The following CSMD1 variants were observed in gnomAD, a reference collection of about 807,000 sequenced individuals.
CSMD1 encodes CUB and sushi domain-containing protein 1.
Under a neutral mutation model 417.5 loss-of-function variants are expected in CSMD1, and 213 were observed. The ratio of observed to expected loss-of-function variants is 0.51; its 90% CI spans 0.46 to 0.57. The LOEUF (loss-of-function observed/expected upper bound fraction) is 0.57. CSMD1 is among the 20% of genes least tolerant of loss of function. The pLI is 0.00. For synonymous variants in CSMD1, 2,862 were observed against 1,736.8 expected, an observed-to-expected ratio of 1.65 and a Z score of -16.11; for missense variants, 6,923 against 4,529.7, an observed-to-expected ratio of 1.53 and a Z score of -15.17.
intron 12 of CSMD1, among the ~76,000 whole-genome samples, chr8:3,411,240 A>G (rs1199623726): frequency 6.6e-6 from 1 of 152,232 alleles, no homozygotes; most frequent in East Asian, 1.9e-4. Context: ...TCTGGACACC[A>G]GTCCCAAAAG....
chr8:4,508,418 C>G (rs1400398353), intron 2 of CSMD1, among the ~76,000 whole-genome samples: 2 of 152,086 alleles, frequency 1.3e-5, no homozygotes, highest in Non-Finnish European at 2.9e-5. Flanking sequence ...CTTTGCCATG[C>G]TTCAAAGTCA....
At chr8:4,513,088 T>A (rs1442205311) in intron 2 of CSMD1, among the ~76,000 whole-genome samples, 1 of 152,172 alleles carries the variant, frequency 6.6e-6, no homozygotes, top group African/African-American at 2.4e-5. Flanking sequence ...GTTATTGAAC[T>A]TTTGTCCAAA....
intron 1 of CSMD1, among the ~76,000 whole-genome samples, chr8:4,653,607 T>C (rs1804045325): frequency 6.6e-6 from 1 of 152,112 alleles, no homozygotes; most frequent in African/African-American, 2.4e-5. Flanking sequence ...TAGTCCCAGA[T>C]AACCACCAGT....
chr8:3,808,043 T>C (rs183322590), intron 5 of CSMD1, among the ~76,000 whole-genome samples: 2 of 152,326 alleles, frequency 1.3e-5, no homozygotes, highest in African/African-American at 4.8e-5. Context: ...AAATTGCCTT[T>C]TCTACAGAAG....
rs370768659 is a variant in CSMD1 at position 3,515,574 on chromosome 8, G to C, written c.1345-21848C>G. On this transcript the variant is annotated intron_variant, in intron 10 of 69. Transcript: ENST00000635120. ...GACATGCTCTCCCATTGCCGTTTTC[G>C]GAAGTTTAGAATGTTTCCAACAGAA... Among the ~76,000 whole-genome samples the C allele has an allele frequency of 7.3e-4, 111 of 152,296 alleles. 3 individuals carry two copies. The South Asian group carries it at 0.022, about 31-fold the overall frequency.
chr8:3,190,958 G>C (rs998379418), intron 33 of CSMD1, among the ~76,000 whole-genome samples: 5 of 152,176 alleles, frequency 3.3e-5, no homozygotes, highest in South Asian at 2.1e-4. Context: ...GTAGTTACTG[G>C]GGGCTGGGGA....
chr8:2,973,816 GTGGTAGAGGATGA>G (rs1317048352), intron 56 of CSMD1, among the ~76,000 whole-genome samples: 134 of 151,354 alleles, frequency 8.9e-4, no homozygotes, highest in Admixed American at 1.4e-3. Flanking sequence ...GCGGTTAATG[GTGGTAGAGGATGA>G]TGGTAGAGGA....
intron 12 of CSMD1, among the ~76,000 whole-genome samples, chr8:3,411,112 C>T (rs79196501): frequency 0.064 from 9,721 of 152,180 alleles, 362 homozygotes; most frequent in East Asian, 0.16. Flanking sequence ...GAAGAAGGCA[C>T]TGCAGAGCTT....
chr8:4,083,201 C>G (rs1416558941), intron 3 of CSMD1, among the ~76,000 whole-genome samples: 1 of 152,116 alleles, frequency 6.6e-6, no homozygotes, highest in Non-Finnish European at 1.5e-5. Context: ...CTGACTTCCA[C>G]AATGGTTGAA....
intron 3 of CSMD1, among the ~76,000 whole-genome samples, chr8:4,230,345 C>G (rs187033408): frequency 6.6e-6 from 1 of 152,272 alleles, no homozygotes; most frequent in Non-Finnish European, 1.5e-5. Flanking sequence ...TAAAGCAAAT[C>G]AAGCCGAGTA....
At chr8:3,805,583 CT>C (rs1167801250) in intron 5 of CSMD1, among the ~76,000 whole-genome samples, 1 of 152,142 alleles carries the variant, frequency 6.6e-6, no homozygotes, top group African/African-American at 2.4e-5. Context: ...TGAAACCTTT[CT>C]GAATCAGTTT....
At chr8:3,084,099 C>G (rs1188720170) in intron 49 of CSMD1, among the ~76,000 whole-genome samples, 1 of 152,142 alleles carries the variant, frequency 6.6e-6, no homozygotes, top group Non-Finnish European at 1.5e-5. Flanking sequence ...GAGAAGGTTT[C>G]TAGCATAATC....
rs1219237261 is a variant in CSMD1 at position 4,735,221 on chromosome 8, T to G, written c.86-97663A>C. Among the ~76,000 whole-genome samples, 26 of 152,158 alleles carry G rather than the reference T, an allele frequency of 1.7e-4. 1 individual carries two copies. Among genetic ancestry groups the G allele is most frequent in the Admixed American group, 1.7e-3 (26 of 15,270 alleles). ...CAGAACCTTTATTGCTAATACCAAA[T>G]GCGAGAGGATACTTGAGTCATCTCA... On this transcript the variant is annotated intron_variant, in intron 1 of 69. Transcript: ENST00000635120.
chr8:4,659,456 G>A (rs1804446443), intron 1 of CSMD1, among the ~76,000 whole-genome samples: 1 of 152,144 alleles, frequency 6.6e-6, no homozygotes, highest in Non-Finnish European at 1.5e-5. Context: ...ATACCACTCA[G>A]TCACAAATGA....
intron 40 of CSMD1, among the ~76,000 whole-genome samples, chr8:3,146,893 C>T (rs1818880791): frequency 1.3e-5 from 2 of 152,186 alleles, no homozygotes; most frequent in Non-Finnish European, 1.5e-5. Context: ...AACTGCTTAA[C>T]TCCTGGATTA....
Position 3,665,606 on chromosome 8 carries a change from G to C in CSMD1, c.1009+42808C>G, listed in dbSNP as rs138351043. On this transcript the variant is annotated intron_variant, in intron 7 of 69. Transcript: ENST00000635120. Reference sequence around the variant, plus strand: ...CCCACTTAATATTAACCAAGTAATTGACTCAGTAGGGTTCTAAATAATCCC... The same window carrying C: ...CCCACTTAATATTAACCAAGTAATTCACTCAGTAGGGTTCTAAATAATCCC... Among the ~76,000 whole-genome samples, 1,455 of 152,234 alleles carry C rather than the reference G, an allele frequency of 9.6e-3. 6 individuals are homozygous for C. The highest frequency in any genetic ancestry group is 0.024 in the Middle Eastern group (7 of 294).
At chr8:4,311,773 G>A (rs1044944434) in intron 3 of CSMD1, among the ~76,000 whole-genome samples, 2 of 151,026 alleles carry the variant, frequency 1.3e-5, no homozygotes, top group Non-Finnish European at 2.9e-5. Context: ...TCATAGAGGG[G>A]AACACATAGA....
chr8:4,241,592 G>A (rs777686746), intron 3 of CSMD1, among the ~76,000 whole-genome samples: 1 of 152,122 alleles, frequency 6.6e-6, no homozygotes, highest in Non-Finnish European at 1.5e-5. Context: ...TAAATACCCG[G>A]AACACAAGTT....
intron 43 of CSMD1, among the ~76,000 whole-genome samples, 180 bp from the exon 44 acceptor site, chr8:3,108,928 C>G (rs998338560): frequency 2.0e-5 from 3 of 152,220 alleles, no homozygotes; most frequent in Admixed American, 1.3e-4. Context: ...ACCCTCCAGT[C>G]TCTGTCTTTC....
Sources: gnomAD v4.1 joint callset for allele counts (sites outside exome capture counted in the v4.1 genomes callset) on GRCh38, gnomAD v4.1.1 for gene constraint, MANE v1.5 for transcripts, NCBI Gene and HGNC (gene_info 2026-07-23, HGNC 2026-07-21) for gene names.